Variants in AFAP1 observed in about 807,000 individuals in gnomAD.
AFAP1 encodes actin filament-associated protein 1.
AFAP1 carries 75 observed loss-of-function variants against 93.9 expected under a neutral mutation model. That is an observed-to-expected ratio of 0.80 (90% confidence interval 0.66 to 0.97). AFAP1 has a LOEUF of 0.97. AFAP1 is among the 50% of genes least tolerant of loss of function. The pLI, the probability that AFAP1 is intolerant of heterozygous loss-of-function variation, is 0.00. For synonymous variants in AFAP1, 517 were observed against 430.7 expected (o/e 1.20, Z -2.48); for missense variants, 1,201 against 1,050.8 (o/e 1.14, Z -1.98).
At chr4:7,769,672 G>C (rs1166488897) in intron 16 of AFAP1, among the ~76,000 whole-genome samples, 2 of 152,166 alleles carry the variant, frequency 1.3e-5, no homozygotes, top group African/African-American at 4.8e-5. Flanking sequence ...ACAGTCTGCT[G>C]AGCCTTCTCT....
intron 17 of AFAP1, 118 bp from the exon 18 acceptor site, chr4:7,763,909 A>C: frequency 1.0e-6 from 1 of 953,024 alleles, no homozygotes; most frequent in Non-Finnish European, 1.6e-6. Context: ...CAGAAAACTC[A>C]ACAGAATCAA....
At chr4:7,818,944 G>A in intron 7 of AFAP1, 132 bp downstream of exon 7, 1 of 778,594 alleles carries the variant, frequency 1.3e-6, no homozygotes, top group South Asian at 2.2e-5. Context: ...TTAAAAAGAT[G>A]GGAAGCACGA....
Position 7,786,176 on chromosome 4 carries a change from CA to C in AFAP1, c.1530+17del. The C allele has an allele frequency of 1.9e-6, 3 of 1,606,754 alleles. No individual in the cohort carries two copies. The highest frequency in any genetic ancestry group is 2.6e-6 in the Non-Finnish European group (3 of 1,174,384). On this transcript the variant is annotated intron_variant, in intron 12 of 17. Transcript: ENST00000420658. ...CCTCTAACAAAACCAACCATTACTC[CA>C]AAAAAAGGGCACTCACCGAGCCGTT... is the stretch of plus-strand genomic sequence containing the variant.
chr4:7,890,016 A>AG (rs1553852394), intron 1 of AFAP1, among the ~76,000 whole-genome samples: 2 of 150,690 alleles, frequency 1.3e-5, no homozygotes, highest in African/African-American at 4.8e-5. Flanking sequence ...AAAAAAAAAA[A>AG]AAAAAAAAGA....
At chr4:7,876,257 C>A (rs1215104166) in intron 1 of AFAP1, among the ~76,000 whole-genome samples, 1 of 152,162 alleles carries the variant, frequency 6.6e-6, no homozygotes, top group South Asian at 2.1e-4. Flanking sequence ...GTGGCCCTGG[C>A]CAAGGTATCT....
At chr4:7,880,907 G>A (rs926441212) in intron 1 of AFAP1, among the ~76,000 whole-genome samples, 4 of 152,186 alleles carry the variant, frequency 2.6e-5, no homozygotes, top group Admixed American at 2.0e-4. Flanking sequence ...GCTCTGCAGA[G>A]GCTGCCACAT....
At chr4:7,831,042 C>G (rs868747063) in intron 6 of AFAP1, among the ~76,000 whole-genome samples, 45 of 151,964 alleles carry the variant, frequency 3.0e-4, no homozygotes, top group African/African-American at 8.9e-4. Context: ...AAAAATAATA[C>G]AAAGTAAAAA....
chr4:7,863,506 C>G (rs541288808), intron 3 of AFAP1, among the ~76,000 whole-genome samples: 3 of 152,170 alleles, frequency 2.0e-5, no homozygotes, highest in South Asian at 4.1e-4. Context: ...CATATTTTAG[C>G]CTATCCGAGT....
At chr4:7,893,040 TGAA>T (rs1159071705) in intron 1 of AFAP1, among the ~76,000 whole-genome samples, 2 of 152,034 alleles carry the variant, frequency 1.3e-5, no homozygotes, top group African/African-American at 2.4e-5. Context: ...TATGAGAAAA[TGAA>T]GAAGACACAA....
intron 6 of AFAP1, among the ~76,000 whole-genome samples, chr4:7,827,155 T>C (rs759541027): frequency 3.3e-5 from 5 of 151,456 alleles, no homozygotes; most frequent in Non-Finnish European, 7.4e-5. Context: ...TAAGCCCGAG[T>C]ACAGGTAAAT....
chr4:7,846,629 A>G (rs112784457), intron 4 of AFAP1, among the ~76,000 whole-genome samples: 62 of 152,328 alleles, frequency 4.1e-4, no homozygotes, highest in African/African-American at 1.4e-3. Context: ...ACTACCTTTA[A>G]TTTCACTCAT....
chr4:7,788,184 C>T lies in AFAP1; in HGVS notation c.1413-1873G>A, dbSNP rs547500725. ...GGGTCAGGACTAATAATGTAAATCCCAGGGAAGGGACCACCCTGACAGCAT... is the reference window on the plus strand; with the variant it reads ...GGGTCAGGACTAATAATGTAAATCCTAGGGAAGGGACCACCCTGACAGCAT... On this transcript the variant is annotated intron_variant, in intron 11 of 17. Transcript: ENST00000420658. Among the ~76,000 whole-genome samples, 48 of 152,326 alleles carry T rather than the reference C, an allele frequency of 3.2e-4. No individual in the cohort carries two copies. The East Asian group carries it at 8.7e-3, about 28-fold the overall frequency.
intron 1 of AFAP1, among the ~76,000 whole-genome samples, chr4:7,885,292 C>T (rs114351197): frequency 6.6e-5 from 10 of 152,358 alleles, no homozygotes; most frequent in Non-Finnish European, 1.0e-4. Context: ...ACAAATATCA[C>T]GCCTGCTTCT....
chr4:7,895,081 G>C (rs1372364950), intron 1 of AFAP1, among the ~76,000 whole-genome samples: 1 of 152,224 alleles, frequency 6.6e-6, no homozygotes, highest in African/African-American at 2.4e-5. Context: ...CGCAGGGCTG[G>C]GGCTGCCACA....
chr4:7,907,726 T>C (rs1719497544), intron 1 of AFAP1, among the ~76,000 whole-genome samples: 1 of 152,068 alleles, frequency 6.6e-6, no homozygotes, highest in Non-Finnish European at 1.5e-5. Flanking sequence ...ATAATACATA[T>C]TCAAAAATCC....
intron 4 of AFAP1, among the ~76,000 whole-genome samples, chr4:7,844,380 C>A (rs1577284069): frequency 6.6e-6 from 1 of 152,262 alleles, no homozygotes; most frequent in Admixed American, 6.5e-5. Context: ...AGAACCCAAC[C>A]GTGCTGGCAG....
At chr4:7,798,653 G>C (rs544669517) in intron 10 of AFAP1, among the ~76,000 whole-genome samples, 3 of 152,208 alleles carry the variant, frequency 2.0e-5, no homozygotes, top group African/African-American at 7.2e-5. Context: ...TCAGGAAACT[G>C]CGTCTACTCA....
At chr4:7,867,717 G>A (rs1347074272) in intron 3 of AFAP1, among the ~76,000 whole-genome samples, 3 of 152,158 alleles carry the variant, frequency 2.0e-5, no homozygotes, top group East Asian at 3.8e-4. Flanking sequence ...GGTTCTTTGA[G>A]GCCAAGTTGT....
At chr4:7,836,773 G>A (rs756612585) in intron 6 of AFAP1, among the ~76,000 whole-genome samples, 1 of 151,470 alleles carries the variant, frequency 6.6e-6, no homozygotes, top group East Asian at 1.9e-4. Context: ...TTGGAGCGAC[G>A]AAATTCAGCA....
Sources: allele counts gnomAD v4.1 joint callset (sites outside exome capture counted in the v4.1 genomes callset), GRCh38; gene constraint gnomAD v4.1.1; transcripts MANE v1.5; gene names NCBI Gene and HGNC (gene_info 2026-07-23, HGNC 2026-07-21).